LHPP: variants seen among roughly 807,000 people sequenced by gnomAD.
LHPP encodes hLHPP.
In LHPP, 24 loss-of-function variants were observed where a neutral mutation model predicts 30.3. The ratio of observed to expected loss-of-function variants is 0.79; its 90% CI spans 0.57 to 1.11. The LOEUF (loss-of-function observed/expected upper bound fraction) is 1.11, where lower values mean the gene tolerates loss of function less well. Ranked by LOEUF, LHPP falls within the 50% of genes most tolerant of loss-of-function variation. The probability of loss-of-function intolerance (pLI) is 0.00; values close to 1 mark genes in which losing one functional copy is unlikely to be tolerated. For missense variants in LHPP, 356 were observed against 367.2 expected, an observed-to-expected ratio of 0.97 and a Z score of 0.25; for synonymous variants, 150 against 157.1, an observed-to-expected ratio of 0.95 and a Z score of 0.34.
At chr10:124,548,250 C>T (rs1386578643) in intron 6 of LHPP, among the ~76,000 whole-genome samples, 3 of 152,174 alleles carry the variant, frequency 2.0e-5, no homozygotes, top group Non-Finnish European at 4.4e-5. Context: ...CCCATGCTGC[C>T]TCTGCCTCCT....
intron 1 of LHPP, among the ~76,000 whole-genome samples, chr10:124,475,935 C>T (rs1426316911): frequency 2.0e-5 from 3 of 152,140 alleles, no homozygotes; most frequent in Non-Finnish European, 2.9e-5. Flanking sequence ...CTCTGGCTGC[C>T]GATTCCCATG....
At chr10:124,515,701 C>T (rs915809794) in intron 5 of LHPP, among the ~76,000 whole-genome samples, 3 of 152,196 alleles carry the variant, frequency 2.0e-5, no homozygotes, top group Admixed American at 1.3e-4. Flanking sequence ...AGCAGGGTTG[C>T]CCTGGGTGAA....
chr10:124,531,928 T>C (rs1954911007), intron 6 of LHPP, among the ~76,000 whole-genome samples: 1 of 152,226 alleles, frequency 6.6e-6, no homozygotes, highest in Admixed American at 6.5e-5. Flanking sequence ...CATTCTTCCT[T>C]GTATTTACTC....
chr10:124,598,613 C>T (rs149674827), intron 6 of LHPP, among the ~76,000 whole-genome samples: 1,621 of 147,664 alleles, frequency 0.011, 19 homozygotes, highest in Middle Eastern at 0.021. Flanking sequence ...TTGCTGGGAG[C>T]GGTCCATCCA....
chr10:124,498,336 A>G, intron 5 of LHPP: 1 of 1,573,918 alleles, frequency 6.4e-7, no homozygotes, highest in Non-Finnish European at 8.6e-7. Flanking sequence ...AGTTACTTTC[A>G]GTATGAAAGC....
intron 6 of LHPP, among the ~76,000 whole-genome samples, chr10:124,601,390 C>T (rs546495929): frequency 7.2e-5 from 11 of 152,196 alleles, no homozygotes; most frequent in African/African-American, 2.4e-4. Context: ...TGCGCTTGAC[C>T]GGGGGGCCTT....
chr10:124,480,607 G>A (rs890093432), intron 1 of LHPP, among the ~76,000 whole-genome samples: 2 of 152,154 alleles, frequency 1.3e-5, no homozygotes, highest in Admixed American at 6.5e-5. Flanking sequence ...CACGTTCCAG[G>A]TGCCAATCAA....
At chr10:124,506,234 G>A (rs1954059394) in intron 5 of LHPP, among the ~76,000 whole-genome samples, 1 of 150,668 alleles carries the variant, frequency 6.6e-6, no homozygotes, top group Non-Finnish European at 1.5e-5. Flanking sequence ...GGACAAGAGA[G>A]TAAGACCTTG....
chr10:124,585,572 G>A (rs1052512480), intron 6 of LHPP, among the ~76,000 whole-genome samples: 5 of 150,802 alleles, frequency 3.3e-5, no homozygotes, highest in South Asian at 4.2e-4. Context: ...CTGAGATCGC[G>A]CCATCACACT....
intron 6 of LHPP, among the ~76,000 whole-genome samples, chr10:124,566,066 TGTG>T (rs1948485464): frequency 6.6e-6 from 1 of 152,206 alleles, no homozygotes; most frequent in Non-Finnish European, 1.5e-5. Context: ...CAATGTTTGT[TGTG>T]GGCAGTTGCC....
At chr10:124,533,154 T>G (rs1954939550) in intron 6 of LHPP, among the ~76,000 whole-genome samples, 1 of 152,218 alleles carries the variant, frequency 6.6e-6, no homozygotes, top group Non-Finnish European at 1.5e-5. Context: ...GTTGTCAGCC[T>G]GGCCTCTGCA....
At chr10:124,537,641 C>T (rs1955061396) in intron 6 of LHPP, among the ~76,000 whole-genome samples, 1 of 152,192 alleles carries the variant, frequency 6.6e-6, no homozygotes, top group Non-Finnish European at 1.5e-5. Context: ...CACAGGGCAC[C>T]CATTTTCAGC....
intron 5 of LHPP, among the ~76,000 whole-genome samples, chr10:124,500,321 A>C (rs1230797051): frequency 6.6e-6 from 1 of 151,652 alleles, no homozygotes; most frequent in African/African-American, 2.4e-5. Flanking sequence ...AAAATATAAA[A>C]ATTAGCCGGG....
chr10:124,546,193 A>G (rs41307536), intron 6 of LHPP: 22,667 of 152,214 alleles, frequency 0.15, 1,834 homozygotes, highest in African/African-American at 0.2. Context: ...GCTGCTGGTG[A>G]GCAGGGTAGG....
At chr10:124,588,298 C>CTTTTTTTTTTTTTTTT (rs55633265) in intron 6 of LHPP, among the ~76,000 whole-genome samples, 100 of 146,938 alleles carry the variant, frequency 6.8e-4, no homozygotes, top group African/African-American at 2.3e-3. Context: ...TTTTTCTCTT[C>CTTTTTTTTTTTTTTTT]TTTTTTTTTT....
intron 6 of LHPP, among the ~76,000 whole-genome samples, chr10:124,587,738 TAAAAA>T (rs747954796): frequency 1.3e-4 from 7 of 53,012 alleles, no homozygotes; most frequent in African/African-American, 4.7e-4. Flanking sequence ...AGACTCCATC[TAAAAA>T]AAAAAAAAAA....
At chr10:124,538,439 T>G (rs1263724467) in intron 6 of LHPP, among the ~76,000 whole-genome samples, 1 of 152,198 alleles carries the variant, frequency 6.6e-6, no homozygotes, top group Non-Finnish European at 1.5e-5. Flanking sequence ...TAGTGCCCAC[T>G]CCAGTGGCTT....
intron 2 of LHPP, 68 bp downstream of exon 2, chr10:124,484,394 A>G: frequency 6.8e-7 from 1 of 1,464,026 alleles, no homozygotes. Flanking sequence ...GGGGCTGTGC[A>G]GAGAGCCTCT....
At chr10:124,591,337 G>A (rs1564844351) in intron 6 of LHPP, among the ~76,000 whole-genome samples, 1 of 152,136 alleles carries the variant, frequency 6.6e-6, no homozygotes, top group Non-Finnish European at 1.5e-5. Flanking sequence ...CAGGCCTGGT[G>A]CTGGAGGACA....
Sources: allele counts gnomAD v4.1 joint callset (sites outside exome capture counted in the v4.1 genomes callset), GRCh38; gene constraint gnomAD v4.1.1; transcripts MANE v1.5; gene names NCBI Gene and HGNC (gene_info 2026-07-23, HGNC 2026-07-21).